The following RCC2 variants were observed in gnomAD, a reference collection of about 807,000 sequenced individuals.
The protein encoded by RCC2 is regulator of chromosome condensation 2.
In RCC2, 19 loss-of-function variants were observed where a neutral mutation model predicts 64.1. The ratio of observed to expected loss-of-function variants is 0.30; its 90% CI spans 0.21 to 0.44. The LOEUF (loss-of-function observed/expected upper bound fraction) is 0.44, where lower values mean the gene tolerates loss of function less well. Ranked by LOEUF, RCC2 falls within the 20% of genes least tolerant of loss-of-function variation. RCC2 has a pLI of 1.00. For synonymous variants in RCC2, 325 were observed against 279.6 expected (o/e 1.16, Z -1.62); for missense variants, 508 against 710.4 (o/e 0.72, Z 3.24).
At chr1:17,429,457 A>G (rs1416110457) in intron 2 of RCC2, among the ~76,000 whole-genome samples, 1 of 152,096 alleles carries the variant, frequency 6.6e-6, no homozygotes, top group Non-Finnish European at 1.5e-5. Context: ...CCTTTAAAAT[A>G]GCTTTTGCAA....
At position 17,416,507 on chromosome 1, in the gene RCC2, T is replaced by G; in HGVS notation, c.999A>C (p.Arg333=). The change falls in exon 8 of 13, where the codon CGA becomes CGC. Residue 333 remains arginine (R), a synonymous_variant. Transcript: ENST00000375436. ...QILPVPNVVV[R]DVACGANHTL... is the part of the protein sequence containing the mutation. Reference sequence around the variant, plus strand: ...TGTGGTTAGCGCCACAGGCCACGTCTCGTACAACCACGTTTGGTACAGGCA... The same window carrying G: ...TGTGGTTAGCGCCACAGGCCACGTCGCGTACAACCACGTTTGGTACAGGCA... 1 of 1,613,444 alleles carries G rather than the reference T, an allele frequency of 6.2e-7. No homozygotes were observed. Among genetic ancestry groups the G allele is most frequent in the Non-Finnish European group, 8.5e-7 (1 of 1,179,900 alleles).
At position 17,429,189 on chromosome 1, in the gene RCC2, C is replaced by G; in HGVS notation, c.296G>C (p.Gly99Ala). The G allele has an allele frequency of 6.2e-7, 1 of 1,614,006 alleles. No homozygotes were observed. The highest frequency in any genetic ancestry group is 1.3e-5 in the African/African-American group (1 of 75,040). ...EHTKERVKLE[G>A]SKCKGQLLIF... The stretch of plus-strand genomic sequence containing the variant: ...CAAAAGCTGCCCTTTGCACTTTGAC[C>G]CTTCAAGTTTCTGCAGAGACAGAGA... Residue 99 changes from glycine to alanine, a missense_variant, in exon 3 of 13, where the codon GGG becomes GCG. Gly to Ala is a moderately conservative substitution (Grantham distance 60, BLOSUM62 0). Coordinates refer to ENST00000375436, the MANE Select transcript of RCC2 (RefSeq NM_018715.4).
chr1:17,415,643 G>C (rs1165832818), intron 8 of RCC2, among the ~76,000 whole-genome samples: 1 of 151,816 alleles, frequency 6.6e-6, no homozygotes, highest in Non-Finnish European at 1.5e-5. Context: ...CAGGAAGACA[G>C]AGGTTGCAGT....
At chr1:17,416,952 A>G (rs975167090) in intron 7 of RCC2, among the ~76,000 whole-genome samples, 5 of 152,174 alleles carry the variant, frequency 3.3e-5, no homozygotes, top group Non-Finnish European at 7.4e-5. Flanking sequence ...GTAAGGTATT[A>G]TACGTTCAGA....
chr1:17,422,409 G>A (rs557588600), intron 5 of RCC2, 118 bp from the exon 6 acceptor site: 95 of 938,398 alleles, frequency 1.0e-4, no homozygotes, highest in Non-Finnish European at 1.5e-4. Flanking sequence ...GAAGGCAAGT[G>A]AGACTGCCCA....
At chr1:17,409,308 G>A (rs951590506) in intron 12 of RCC2, 114 bp from the exon 13 acceptor site, 2 of 723,678 alleles carry the variant, frequency 2.8e-6, no homozygotes, top group African/African-American at 1.8e-5. Context: ...AAAACAGAGT[G>A]CCCTTGAAAA....
Position 17,408,151 on chromosome 1 carries a change from G to A in RCC2, c.*939C>T, listed in dbSNP as rs114031304. ...CCCGCGCGAGGCAGGATCCAGGCGGGGGGGAGAAAAAGAGACCAAAGCACA... is the reference window on the plus strand; with the variant it reads ...CCCGCGCGAGGCAGGATCCAGGCGGAGGGGAGAAAAAGAGACCAAAGCACA... On this transcript the variant is annotated 3_prime_UTR_variant, in exon 13 of 13. Coordinates refer to ENST00000375436, the MANE Select transcript of RCC2 (RefSeq NM_018715.4). The A allele has an allele frequency of 1.8e-4, 27 of 152,552 alleles. No homozygotes were observed. The highest frequency in any genetic ancestry group is 5.1e-4 in the African/African-American group (21 of 41,580). The allele number at this position is 152,552 out of a possible 1,614,324, so 9.4% of individuals were successfully genotyped here. A position where few individuals can be genotyped will look rare whatever the true frequency, so the allele number is the denominator to read the frequency against.
chr1:17,413,860 C>T (rs182174446), intron 8 of RCC2, 143 bp from the exon 9 acceptor site: 29 of 772,948 alleles, frequency 3.8e-5, no homozygotes, highest in Admixed American at 2.9e-4. Context: ...CAGCCGGGCA[C>T]GGTGGTTCAC....
intron 8 of RCC2, among the ~76,000 whole-genome samples, chr1:17,415,712 A>AC (rs2075475009): frequency 1.2e-4 from 18 of 150,402 alleles, no homozygotes; most frequent in South Asian, 4.2e-4. Flanking sequence ...TCCGCCTCAA[A>AC]TAAAAAAAAA....
chr1:17,433,046 G>A (rs150908256), intron 2 of RCC2, among the ~76,000 whole-genome samples: 135 of 152,006 alleles, frequency 8.9e-4, no homozygotes, highest in African/African-American at 3.1e-3. Context: ...ATATACATAC[G>A]TGTGTATACA....
intron 2 of RCC2, among the ~76,000 whole-genome samples, chr1:17,436,729 T>A (rs1462572787): frequency 6.6e-6 from 1 of 152,212 alleles, no homozygotes; most frequent in African/African-American, 2.4e-5. Context: ...CAGTCTTGGA[T>A]GTCTAAACAC....
rs938962949 is a variant in RCC2, at chr1:17,428,877, T to C, written c.379+229A>G. Among the ~76,000 whole-genome samples the C allele has an allele frequency of 3.3e-5, 5 of 152,370 alleles. No individual in the cohort carries two copies. The Middle Eastern group carries it at 0.01, about 311-fold the overall frequency. On this transcript the variant is annotated intron_variant, in intron 3 of 12. Coordinates refer to ENST00000375436, the MANE Select transcript of RCC2 (RefSeq NM_018715.4). ...TTTGAGGATACTACTTGTATTTTCC[T>C]GATTAATCTTAACGGAATTAGTGAG...
At chr1:17,430,327 T>G (rs909981837) in intron 2 of RCC2, among the ~76,000 whole-genome samples, 10 of 150,500 alleles carry the variant, frequency 6.6e-5, no homozygotes, top group South Asian at 4.2e-4. Flanking sequence ...CTGGGCAACA[T>G]GGCAAAACCT....
At chr1:17,431,008 G>T (rs542127106) in intron 2 of RCC2, among the ~76,000 whole-genome samples, 1 of 151,410 alleles carries the variant, frequency 6.6e-6, no homozygotes, top group African/African-American at 2.4e-5. Flanking sequence ...ATAAAATAAC[G>T]CCGATGAAAG....
At chr1:17,437,162 T>C (rs551612040) in intron 2 of RCC2, among the ~76,000 whole-genome samples, 89 of 152,162 alleles carry the variant, frequency 5.8e-4, no homozygotes, top group Non-Finnish European at 1.0e-3. Context: ...AAAACGGACG[T>C]AGAAAATGTG....
At chr1:17,410,836 G>A (rs2075417014) in intron 11 of RCC2, among the ~76,000 whole-genome samples, 1 of 152,130 alleles carries the variant, frequency 6.6e-6, no homozygotes. Flanking sequence ...AGTCTCCCTT[G>A]CTCCCCTCTA....
rs982975400 is a variant in RCC2 at position 17,409,313 on chromosome 1, T to C, written c.1465-119A>G. The C allele has an allele frequency of 7.2e-6, 5 of 698,096 alleles. No homozygotes were observed. In the African/African-American group the frequency reaches 8.9e-5, roughly 12 times the overall value. 43.2% of individuals were successfully genotyped at this position (698,096 alleles called of 1,614,324 possible). A position where few individuals can be genotyped will look rare whatever the true frequency, so the allele number is the denominator to read the frequency against. ...AGCATGGAGAAAAACAGAGTGCCCT[T>C]GAAAACTGCAAAAAGCCCCTCTGCC... On this transcript the variant is annotated intron_variant, in intron 12 of 12. Coordinates refer to ENST00000375436, the MANE Select transcript of RCC2 (RefSeq NM_018715.4).
intron 3 of RCC2, among the ~76,000 whole-genome samples, chr1:17,426,753 ACTTTT>A (rs1212187372): frequency 1.6e-4 from 21 of 131,184 alleles, no homozygotes; most frequent in Non-Finnish European, 2.7e-4. Flanking sequence ...CCAATTTCTT[ACTTTT>A]CTTTTTTTTT....
intron 11 of RCC2, among the ~76,000 whole-genome samples, chr1:17,411,611 A>G (rs1557620378): frequency 6.6e-6 from 1 of 151,524 alleles, no homozygotes; most frequent in Non-Finnish European, 1.5e-5. Flanking sequence ...CTCACCTAGC[A>G]CCAGGATCTA....
Sources: allele counts gnomAD v4.1 joint callset (sites outside exome capture counted in the v4.1 genomes callset), GRCh38; gene constraint gnomAD v4.1.1; transcripts MANE v1.5; gene names NCBI Gene and HGNC (gene_info 2026-07-23, HGNC 2026-07-21).